Variants in SAMD5 observed in about 807,000 individuals in gnomAD.
The protein encoded by SAMD5 is sterile alpha motif domain-containing protein 5.
SAMD5 carries 13 observed loss-of-function variants against 11.3 expected under a neutral mutation model. That is an observed-to-expected ratio of 1.15 (90% confidence interval 0.75 to 1.83). The LOEUF is 1.83. Ranked by LOEUF, SAMD5 falls within the 40% of genes most tolerant of loss-of-function variation. The pLI, the probability that SAMD5 is intolerant of heterozygous loss-of-function variation, is 0.00. For missense variants in SAMD5, 255 were observed against 239.1 expected (o/e 1.07, Z -0.44); for synonymous variants, 129 against 111.3 (o/e 1.16, Z -1.00).
chr6:147,522,916 CAG>C (rs1292693893), intron 1 of SAMD5, among the ~76,000 whole-genome samples: 1 of 152,144 alleles, frequency 6.6e-6, no homozygotes, highest in Non-Finnish European at 1.5e-5. Context: ...GAACTGGGGA[CAG>C]AGACTGTGAG....
At chr6:147,751,846 AGATCT>A in the SAMD5 span, among the ~76,000 whole-genome samples, 2 of 152,068 alleles carry the variant, frequency 1.3e-5, no homozygotes, top group Non-Finnish European at 2.9e-5. Flanking sequence ...TTTTCAGAAG[AGATCT>A]GAACTGATTT....
chr6:147,551,812 T>TTATATATATATATA (rs10691979), intron 1 of SAMD5, among the ~76,000 whole-genome samples: 1,725 of 98,992 alleles, frequency 0.017, 20 homozygotes, highest in African/African-American at 0.03. Flanking sequence ...TATATATATG[T>TTATATATATATATA]TATATATATA....
chr6:147,648,934 A>C (rs186577946), intron 1 of SAMD5, among the ~76,000 whole-genome samples: 10 of 152,356 alleles, frequency 6.6e-5, no homozygotes, highest in African/African-American at 2.4e-4. Flanking sequence ...CATTGCATTA[A>C]ACTTTAGCCA....
the SAMD5 span, among the ~76,000 whole-genome samples, chr6:147,860,510 A>G: frequency 6.6e-6 from 1 of 152,222 alleles, no homozygotes; most frequent in Non-Finnish European, 1.5e-5. Context: ...ATATTCATAA[A>G]GATGATTCTT....
chr6:147,946,717 G>T, the SAMD5 span, among the ~76,000 whole-genome samples: 1 of 152,050 alleles, frequency 6.6e-6, no homozygotes, highest in African/African-American at 2.4e-5. Context: ...GTGTTTCATG[G>T]TCTGTAGCTG....
At chr6:147,509,448 C>T in intron 1 of SAMD5, 61 bp downstream of exon 1, 2 of 1,439,614 alleles carry the variant, frequency 1.4e-6, no homozygotes, top group Non-Finnish European at 1.8e-6. Flanking sequence ...AGCCCAGCTG[C>T]CTGTGCCAAG....
the SAMD5 span, among the ~76,000 whole-genome samples, chr6:147,750,927 A>C: frequency 1.3e-5 from 2 of 152,140 alleles, no homozygotes; most frequent in African/African-American, 4.8e-5. Flanking sequence ...TCTCAAAATG[A>C]ACAAACAAAC....
At chr6:147,783,415 A>G in the SAMD5 span, among the ~76,000 whole-genome samples, 11 of 151,266 alleles carry the variant, frequency 7.3e-5, no homozygotes, top group Admixed American at 3.3e-4. Context: ...GCGGGGGGAC[A>G]TGAAGTCTCA....
the SAMD5 span, among the ~76,000 whole-genome samples, chr6:147,936,232 G>T: frequency 1.5e-4 from 23 of 152,264 alleles, no homozygotes; most frequent in South Asian, 4.8e-3. Flanking sequence ...CCTTGTATTA[G>T]TAGGCCATTC....
intron 1 of SAMD5, among the ~76,000 whole-genome samples, chr6:147,724,065 T>G (rs1445856843): frequency 6.6e-6 from 1 of 152,178 alleles, no homozygotes; most frequent in Non-Finnish European, 1.5e-5. Context: ...AGGGAAATAA[T>G]TCAACATTTT....
chr6:147,901,309 G>T, the SAMD5 span, among the ~76,000 whole-genome samples: 8 of 152,288 alleles, frequency 5.3e-5, no homozygotes, highest in East Asian at 1.4e-3. Context: ...ATAGTTAATT[G>T]AAACAGTTAT....
chr6:147,925,157 T>C, the SAMD5 span, among the ~76,000 whole-genome samples: 1 of 152,210 alleles, frequency 6.6e-6, no homozygotes, highest in African/African-American at 2.4e-5. Flanking sequence ...CTTTGGTATG[T>C]AATTAGGTCA....
chr6:147,668,013 A>G (rs1385769496), intron 1 of SAMD5, among the ~76,000 whole-genome samples: 1 of 152,180 alleles, frequency 6.6e-6, no homozygotes, highest in East Asian at 1.9e-4. Flanking sequence ...TATTTTTAAA[A>G]TTGCATTATA....
the SAMD5 span, among the ~76,000 whole-genome samples, chr6:147,831,121 C>T: frequency 6.6e-6 from 1 of 152,210 alleles, no homozygotes; most frequent in Non-Finnish European, 1.5e-5. Context: ...GATCTGACTA[C>T]ATACCTGGTC....
At chr6:147,680,168 C>T (rs1209363287) in intron 1 of SAMD5, among the ~76,000 whole-genome samples, 1 of 152,070 alleles carries the variant, frequency 6.6e-6, no homozygotes, top group Non-Finnish European at 1.5e-5. Context: ...AGTCTTCTGA[C>T]CCGTAACTGT....
At chr6:147,953,725 A>G in the SAMD5 span, 6 of 152,218 alleles carry the variant, frequency 3.9e-5, no homozygotes, top group South Asian at 2.1e-4. Flanking sequence ...AAATATTTAT[A>G]TGTGTAATGT....
chr6:147,509,673 G>T (rs1362241269), intron 1 of SAMD5, among the ~76,000 whole-genome samples: 1 of 152,148 alleles, frequency 6.6e-6, no homozygotes, highest in African/African-American at 2.4e-5. Flanking sequence ...AATCGGACTC[G>T]CGCTGCTTCA....
At chr6:147,740,763 A>T (rs1242560861), downstream of SAMD5, among the ~76,000 whole-genome samples, 1 of 152,236 alleles carries the variant, frequency 6.6e-6, no homozygotes, top group Non-Finnish European at 1.5e-5. Flanking sequence ...GAAATATATA[A>T]ATAAGTAAAC....
intron 1 of SAMD5, among the ~76,000 whole-genome samples, chr6:147,552,129 C>T (rs954786804): frequency 6.6e-5 from 10 of 152,200 alleles, no homozygotes; most frequent in Admixed American, 2.0e-4. Context: ...AAGGGATTAT[C>T]TGTGTTCTTT....
Sources: gnomAD v4.1 joint callset for allele counts (sites outside exome capture counted in the v4.1 genomes callset) on GRCh38, gnomAD v4.1.1 for gene constraint, MANE v1.5 for transcripts, NCBI Gene and HGNC (gene_info 2026-07-23, HGNC 2026-07-21) for gene names.